The following COL23A1 variants were observed in gnomAD, a reference collection of about 807,000 sequenced individuals.
COL23A1 encodes the protein collagen type XXIII alpha 1 chain, also known as collagen alpha-1(XXIII) chain.
A neutral mutation model predicts 99.3 loss-of-function variants in COL23A1; 97 were observed. The ratio of observed to expected loss-of-function variants is 0.98; its 90% CI spans 0.83 to 1.16. The LOEUF (loss-of-function observed/expected upper bound fraction) is 1.16. COL23A1 is among the 50% of genes most tolerant of loss of function. COL23A1 has a pLI of 0.00. For synonymous variants in COL23A1, 320 were observed against 308.2 expected (o/e 1.04, Z -0.40); for missense variants, 762 against 757.4 (o/e 1.01, Z -0.07).
chr5:178,276,570 GCT>G (rs1243215862), intron 5 of COL23A1, among the ~76,000 whole-genome samples: 1 of 152,170 alleles, frequency 6.6e-6, no homozygotes, highest in Non-Finnish European at 1.5e-5. Context: ...CCTCCTCCCA[GCT>G]CTCATTAGAG....
intron 18 of COL23A1, 67 bp from the exon 19 acceptor site, chr5:178,249,273 TC>T: frequency 6.8e-7 from 1 of 1,478,144 alleles, no homozygotes; most frequent in Non-Finnish European, 9.5e-7. Flanking sequence ...CCCCAGCAGG[TC>T]CCCAGAGCTT....
chr5:178,460,856 T>C (rs953372218), intron 2 of COL23A1, among the ~76,000 whole-genome samples: 1 of 152,152 alleles, frequency 6.6e-6, no homozygotes, highest in Non-Finnish European at 1.5e-5. Flanking sequence ...TGCCCTGTGG[T>C]CTTCAGTCAG....
In COL23A1 at chr5:178,242,072, T is replaced by C. The variant is rs1764431735; in HGVS notation, c.1551A>G (p.Gly517=). Residue 517 remains glycine (G), a synonymous_variant, in exon 27 of 29, where the codon GGA becomes GGG. Transcript: ENST00000390654. The stretch of plus-strand genomic sequence containing the variant: ...GACACGGCTGGTCCAGGCCTGGTGG[T>C]CCCGGCTCGCCCTTCTGGCCCTTCA... ...KGVKGQKGEP[G]PPGLDQPCPV... 1.3e-6 allele frequency: 2 copies of C among 1,554,114 alleles called. No individual in the cohort carries two copies. The highest frequency in any genetic ancestry group is 2.4e-5 in the South Asian group (2 of 84,280).
At chr5:178,400,850 T>C (rs968765658) in intron 2 of COL23A1, among the ~76,000 whole-genome samples, 2 of 152,092 alleles carry the variant, frequency 1.3e-5, no homozygotes, top group Admixed American at 1.3e-4. Context: ...ATTAGCCAGG[T>C]TGGTCTCGAA....
intron 16 of COL23A1, 36 bp downstream of exon 16, chr5:178,254,913 A>G: frequency 6.4e-7 from 1 of 1,566,698 alleles, no homozygotes; most frequent in Non-Finnish European, 8.8e-7. Context: ...GAAAAATCGT[A>G]TCTAAGGCAC....
chr5:178,362,278 G>A (rs934236570), intron 2 of COL23A1, among the ~76,000 whole-genome samples: 4 of 152,120 alleles, frequency 2.6e-5, no homozygotes, highest in South Asian at 4.1e-4. Flanking sequence ...GGAGCCAGGC[G>A]GCTGTGGGTC....
In COL23A1 at chr5:178,310,264, GC is replaced by G. The variant is rs201973439; in HGVS notation, c.362-3346del. ...CGGGCTTGGAGACTGGATTGCAGGAGCCGCAGGAGTGGGGGCAGGACGGACG... is the reference window on the plus strand; with the variant it reads ...CGGGCTTGGAGACTGGATTGCAGGAGCGCAGGAGTGGGGGCAGGACGGACG... On this transcript the variant is annotated intron_variant, in intron 2 of 28. Coordinates refer to ENST00000390654, the MANE Select transcript of COL23A1 (RefSeq NM_173465.4). This position sits in a 1 kb window ranked among gnomAD's most constrained non-coding sequence, Gnocchi z 4.3. 0.025 allele frequency among the ~76,000 whole-genome samples: 3,806 copies of G among 152,286 alleles called. 161 individuals carry two copies. Among genetic ancestry groups the G allele is most frequent in the African/African-American group, 0.087 (3,632 of 41,534 alleles).
chr5:178,562,738 G>GA (rs1562093736), intron 1 of COL23A1: 1 of 127,142 alleles, frequency 7.9e-6, no homozygotes, highest in Admixed American at 7.9e-5. Context: ...GCTGGTGGTG[G>GA]GGGGGGTGCG....
In COL23A1 at chr5:178,307,306, A is replaced by C. The variant is rs1758412279; in HGVS notation, c.362-387T>G. ...GAGGAAAGTAAGGGTGGGTTATCTT[A>C]GGAAAGCCCTGACAAACGCTGCTTC... On this transcript the variant is annotated intron_variant, in intron 2 of 28. Coordinates refer to ENST00000390654, the MANE Select transcript of COL23A1 (RefSeq NM_173465.4). The surrounding 1 kb of genome is among the most constrained non-coding windows in gnomAD (Gnocchi z 4.2). 6.6e-6 allele frequency among the ~76,000 whole-genome samples: 1 copy of C among 152,242 alleles called. No homozygotes were observed. The highest frequency in any genetic ancestry group is 1.5e-5 in the Non-Finnish European group (1 of 68,038).
In COL23A1 at chr5:178,590,378, C is replaced by T. The variant is rs1764209418; in HGVS notation, c.-181G>A. ...GCCGCAGCCAGCTCCTCCACAGCGG[C>T]CACTTTGGGCAGTTTCCTCTATGCA... On this transcript the variant is annotated 5_prime_UTR_variant, in exon 1 of 29. Transcript: ENST00000390654. The surrounding 1 kb of genome is among the most constrained non-coding windows in gnomAD (Gnocchi z 5.7). 2.4e-6 allele frequency: 1 copy of T among 421,748 alleles called. No homozygotes were observed. Among genetic ancestry groups the T allele is most frequent in the Non-Finnish European group, 3.7e-6 (1 of 271,186 alleles). The allele number at this position is 421,748 out of a possible 1,614,324, so 26.1% of individuals were successfully genotyped here.
At chr5:178,263,174 G>A (rs763160107) in intron 9 of COL23A1, 34 bp downstream of exon 9, 18 of 1,498,710 alleles carry the variant, frequency 1.2e-5, no homozygotes, top group Non-Finnish European at 1.6e-5. Flanking sequence ...TTTTGGTCAA[G>A]TCCTGCGTGG....
rs1581562173 is a variant in COL23A1, at chr5:178,523,187, T to TACAC, written c.361+37494_361+37495insGTGT. Among the ~76,000 whole-genome samples, 24 of 63,264 alleles carry TACAC rather than the reference T, an allele frequency of 3.8e-4. 1 individual carries two copies. The highest frequency in any genetic ancestry group is 1.2e-3 in the African/African-American group (23 of 19,006). 41.5% of individuals were successfully genotyped at this position (63,264 alleles called of 152,430 possible). On this transcript the variant is annotated intron_variant, in intron 2 of 28. Transcript: ENST00000390654. ...ACATATATATATATATACACATATA[T>TACAC]ATATATATATATATAGAGAGAGAGA...
chr5:178,373,092 T>C (rs1295763474), intron 2 of COL23A1, among the ~76,000 whole-genome samples: 1 of 151,942 alleles, frequency 6.6e-6, no homozygotes, highest in African/African-American at 2.4e-5. Flanking sequence ...ACTAACACTA[T>C]GAGTACTGCC....
Position 178,307,375 on chromosome 5 carries a change from C to A in COL23A1, c.362-456G>T, listed in dbSNP as rs1480435244. On this transcript the variant is annotated intron_variant, in intron 2 of 28. Transcript: ENST00000390654. This position sits in a 1 kb window ranked among gnomAD's most constrained non-coding sequence, Gnocchi z 4.2. ...CAACAAAGCCAACACAACAAAGAGGCCATCACGGCCGCGCAGCGCCGAAAT... is the reference window on the plus strand; with the variant it reads ...CAACAAAGCCAACACAACAAAGAGGACATCACGGCCGCGCAGCGCCGAAAT... 1.3e-5 allele frequency among the ~76,000 whole-genome samples: 2 copies of A among 152,354 alleles called. 1 individual carries two copies. The highest frequency in any genetic ancestry group is 4.1e-4 in the South Asian group (2 of 4,828).
rs1418918322 is a variant in COL23A1, at chr5:178,307,428, G to T, written c.362-509C>A. Among the ~76,000 whole-genome samples, 1 of 152,234 alleles carries T rather than the reference G, an allele frequency of 6.6e-6. No homozygotes were observed. Among genetic ancestry groups the T allele is most frequent in the East Asian group, 1.9e-4 (1 of 5,196 alleles). On this transcript the variant is annotated intron_variant, in intron 2 of 28. Coordinates refer to ENST00000390654, the MANE Select transcript of COL23A1 (RefSeq NM_173465.4). This position sits in a 1 kb window ranked among gnomAD's most constrained non-coding sequence, Gnocchi z 4.2. Reference sequence around the variant, plus strand: ...ACTCATGACAGGCACTACACGATCCGCCTGCAGTCTCCGCCACTCGCTGGG... The same window carrying T: ...ACTCATGACAGGCACTACACGATCCTCCTGCAGTCTCCGCCACTCGCTGGG...
intron 2 of COL23A1, among the ~76,000 whole-genome samples, chr5:178,517,710 T>C (rs986746016): frequency 4.1e-5 from 6 of 147,514 alleles, no homozygotes; most frequent in African/African-American, 1.5e-4. Flanking sequence ...TACAGGCACG[T>C]GCCACCACGC....
intron 2 of COL23A1, among the ~76,000 whole-genome samples, chr5:178,358,164 CTAA>C (rs1265256482): frequency 1.5e-5 from 2 of 133,568 alleles, no homozygotes; most frequent in Admixed American, 7.7e-5. Flanking sequence ...GTGTGTATGT[CTAA>C]TGTGTATGTG....
intron 4 of COL23A1, among the ~76,000 whole-genome samples, chr5:178,289,679 T>A (rs1114212): frequency 0.73 from 111,498 of 152,110 alleles, 42,868 homozygotes; most frequent in Non-Finnish European, 0.87. Flanking sequence ...CTGAAGCATT[T>A]AGAAACGTCA....
At chr5:178,375,327 G>T (rs925065408) in intron 2 of COL23A1, among the ~76,000 whole-genome samples, 1 of 152,340 alleles carries the variant, frequency 6.6e-6, no homozygotes, top group Admixed American at 6.5e-5. Context: ...GGGATGAAAA[G>T]GTCCTAAAAC....
Sources: gnomAD v4.1 joint callset for allele counts (sites outside exome capture counted in the v4.1 genomes callset) on GRCh38, gnomAD v4.1.1 for gene constraint, Gnocchi (gnomAD v3.1) non-coding constraint, MANE v1.5 for transcripts, NCBI Gene and HGNC (gene_info 2026-07-23, HGNC 2026-07-21) for gene names.